The following ZEB2 variants were observed in gnomAD, a reference collection of about 807,000 sequenced individuals.
ZEB2 encodes zinc finger E-box binding homeobox 2.
Under a neutral mutation model 99.9 loss-of-function variants are expected in ZEB2, and 6 were observed. The observed-to-expected ratio is 0.06, with a 90% confidence interval of 0.03 to 0.12. ZEB2 has a LOEUF of 0.12. Among genes scored for constraint, ZEB2 ranks in the 10% least tolerant of loss-of-function variants. ZEB2 has a pLI of 1.00. For missense variants in ZEB2, 969 were observed against 1,502.8 expected, an observed-to-expected ratio of 0.64 and a Z score of 5.87; for synonymous variants, 517 against 542.5, an observed-to-expected ratio of 0.95 and a Z score of 0.65.
At position 144,398,459 on chromosome 2, in the gene ZEB2, T is replaced by C. The variant is rs762734976; in HGVS notation, c.2728A>G (p.Met910Val). 1.2e-6 allele frequency: 2 copies of C among 1,613,994 alleles called. No homozygotes were observed. ...GGAATACTGGTCTGGACTGGTGGCA[T>C]GAAAGTAGCAGGGGGAAATGCGCTT... ...PQSAFPPATF[M>V]PPVQTSIPGL... The change falls in exon 8 of 10, where the codon ATG becomes GTG. Residue 910 changes from methionine to valine, a missense_variant. By Grantham distance (21) the Met-to-Val change is conservative. Transcript: ENST00000627532.
chr2:144,491,357 G>GAAAA (rs200783690), intron 2 of ZEB2, among the ~76,000 whole-genome samples: 3 of 90,292 alleles, frequency 3.3e-5, no homozygotes, highest in Admixed American at 1.1e-4. Context: ...CTTCTCAAGA[G>GAAAA]AAAAAAAAAA....
At position 144,386,787 on chromosome 2, in the gene ZEB2, G is replaced by A. The variant is rs1703088846; in HGVS notation, c.*2664C>T. 6.6e-6 allele frequency: 1 copy of A among 151,996 alleles called. No individual in the cohort carries two copies. Among genetic ancestry groups the A allele is most frequent in the African/African-American group, 2.4e-5 (1 of 41,372 alleles). 9.4% of individuals were successfully genotyped at this position (151,996 alleles called of 1,614,324 possible). ...TTATCGCCTAGAGCCTTTCAAACCA[G>A]AAAAATTTATGTAGTGTATTTATTT... On this transcript the variant is annotated 3_prime_UTR_variant, in exon 10 of 10. Transcript: ENST00000627532.
In ZEB2 at chr2:144,398,417, G is replaced by T. The variant is rs1166486779; in HGVS notation, c.2770C>A (p.Pro924Thr). 6.2e-7 allele frequency: 1 copy of T among 1,613,934 alleles called. No individual in the cohort carries two copies. The highest frequency in any genetic ancestry group is 8.5e-7 in the Non-Finnish European group (1 of 1,180,000). The change falls in exon 8 of 10, where the codon CCA (proline) becomes ACA (threonine). Residue 924 changes from proline to threonine, a missense_variant. By Grantham distance (38) the Pro-to-Thr change is conservative (BLOSUM62 -1). Transcript: ENST00000627532. ...QTSIPGLRPY[P>T]GLDQMSFLPH... Reference sequence around the variant, plus strand: ...AGGAAGCTCATCTGATCCAGTCCTGGGTATGGTCGTAGCCCAGGAATACTG... The same window carrying T: ...AGGAAGCTCATCTGATCCAGTCCTGTGTATGGTCGTAGCCCAGGAATACTG...
chr2:144,440,517 T>TATATATATATATATA (rs1463273071), intron 2 of ZEB2, among the ~76,000 whole-genome samples: 1 of 9,772 alleles, frequency 1.0e-4, no homozygotes, highest in Admixed American at 1.5e-3. Flanking sequence ...ATATATATAT[T>TATATATATATATATA]TTTTTTTTTT....
chr2:144,405,034 T>TA lies in ZEB2; in HGVS notation c.404-11dup, dbSNP rs770071448. 4.3e-6 allele frequency: 7 copies of TA among 1,612,808 alleles called. No homozygotes were observed. The South Asian group carries it at 7.7e-5, about 18-fold the overall frequency. On this transcript the variant is annotated splice_polypyrimidine_tract_variant and intron_variant, in intron 4 of 9. Transcript: ENST00000627532. ...CAATTTGCATTCTTCACTGAAATCA[T>TA]AAAAGGAGAAGAAATGTTGTTTCCG...
chr2:144,465,955 G>A (rs1704266359), intron 2 of ZEB2, among the ~76,000 whole-genome samples: 1 of 152,238 alleles, frequency 6.6e-6, no homozygotes, highest in South Asian at 2.1e-4. Context: ...GCTTTCTGAG[G>A]TGAGAGAAAC....
rs114121469 is a variant in ZEB2 at position 144,491,783 on chromosome 2, T to C, written c.73+25495A>G. Among the ~76,000 whole-genome samples, 230 of 152,380 alleles carry C rather than the reference T, an allele frequency of 1.5e-3. 1 individual carries two copies. The highest frequency in any genetic ancestry group is 5.2e-3 in the African/African-American group (217 of 41,586). On this transcript the variant is annotated intron_variant, in intron 2 of 9. Transcript: ENST00000627532. ...TTATGGAGAACATGGGAATTTTAAA[T>C]TCACAATTCAGTGCAAGATTTAAAA...
intron 2 of ZEB2, chr2:144,482,331 C>T (rs1384611973): frequency 6.6e-6 from 1 of 152,272 alleles, no homozygotes; most frequent in East Asian, 1.9e-4. Flanking sequence ...CATAGGTTCT[C>T]ATCTCATTCT....
intron 2 of ZEB2, among the ~76,000 whole-genome samples, chr2:144,441,614 C>G (rs932532190): frequency 2.0e-5 from 3 of 151,070 alleles, no homozygotes; most frequent in South Asian, 4.2e-4. Context: ...AACAAAGAGA[C>G]CACTCTTTTA....
intron 2 of ZEB2, among the ~76,000 whole-genome samples, chr2:144,464,975 A>G (rs1223804593): frequency 1.3e-5 from 2 of 152,178 alleles, no homozygotes; most frequent in Admixed American, 6.5e-5. Context: ...GTAAATATGT[A>G]CAGAAATTGC....
chr2:144,426,933 A>T (rs1262809850), intron 3 of ZEB2: 2 of 152,214 alleles, frequency 1.3e-5, no homozygotes, highest in Non-Finnish European at 2.9e-5. Flanking sequence ...ATTCAGAAGG[A>T]CATAATGATA....
intron 4 of ZEB2, among the ~76,000 whole-genome samples, chr2:144,408,142 C>T (rs1234246385): frequency 3.3e-5 from 5 of 152,150 alleles, no homozygotes; most frequent in Non-Finnish European, 2.9e-5. Flanking sequence ...CAAAATACAT[C>T]AAATCATGCG....
intron 8 of ZEB2, 116 bp downstream of exon 8, chr2:144,398,185 G>A (rs1703255239): frequency 2.9e-6 from 4 of 1,377,440 alleles, no homozygotes; most frequent in Admixed American, 4.0e-5. Context: ...TCATGTTAAA[G>A]CAAACTCTTC....
At chr2:144,499,768 A>G (rs1455714459) in intron 2 of ZEB2, among the ~76,000 whole-genome samples, 3 of 152,126 alleles carry the variant, frequency 2.0e-5, no homozygotes, top group South Asian at 2.1e-4. Context: ...TGATGGGAGC[A>G]TTTCACAGCC....
intron 2 of ZEB2, chr2:144,511,689 T>C: frequency 7.8e-7 from 1 of 1,286,980 alleles, no homozygotes; most frequent in Admixed American, 2.3e-5. Flanking sequence ...ATATACAAAA[T>C]TCACAAATCA....
intron 2 of ZEB2, among the ~76,000 whole-genome samples, chr2:144,446,505 C>T (rs189305014): frequency 4.1e-4 from 63 of 152,234 alleles, no homozygotes; most frequent in African/African-American, 1.5e-3. Context: ...ATCTTCAGGA[C>T]TCCATTTTCA....
chr2:144,493,935 G>A (rs957623537), intron 2 of ZEB2, among the ~76,000 whole-genome samples: 1 of 151,858 alleles, frequency 6.6e-6, no homozygotes, highest in Non-Finnish European at 1.5e-5. Flanking sequence ...GGCGGATCAC[G>A]AGGTCAGGAG....
rs1703120589 is a variant in ZEB2, at chr2:144,389,154, C to A, written c.*297G>T. 1 of 577,514 alleles carries A rather than the reference C, an allele frequency of 1.7e-6. No individual in the cohort carries two copies. The highest frequency in any genetic ancestry group is 3.0e-6 in the Non-Finnish European group (1 of 329,732). 35.8% of individuals were successfully genotyped at this position (577,514 alleles called of 1,614,324 possible). ...AGTGATACATAAGTAGAGTGCAATTCTTACAATTTTCTAGTTGTGCTTAAA... is the reference window on the plus strand; with the variant it reads ...AGTGATACATAAGTAGAGTGCAATTATTACAATTTTCTAGTTGTGCTTAAA... On this transcript the variant is annotated 3_prime_UTR_variant, in exon 10 of 10. Coordinates refer to ENST00000627532, the MANE Select transcript of ZEB2 (RefSeq NM_014795.4). This position sits in a 1 kb window ranked among gnomAD's most constrained non-coding sequence, Gnocchi z 6.8.
intron 2 of ZEB2, among the ~76,000 whole-genome samples, chr2:144,443,328 T>G (rs915520993): frequency 6.6e-6 from 1 of 152,120 alleles, no homozygotes; most frequent in Non-Finnish European, 1.5e-5. Context: ...AAGGAATCCA[T>G]AAAAAATAAA....
Sources: gnomAD v4.1 joint callset for allele counts (sites outside exome capture counted in the v4.1 genomes callset) on GRCh38, gnomAD v4.1.1 for gene constraint, Gnocchi (gnomAD v3.1) non-coding constraint, MANE v1.5 for transcripts, NCBI Gene and HGNC (gene_info 2026-07-23, HGNC 2026-07-21) for gene names.